KCNIP4: variants seen among roughly 807,000 people sequenced by gnomAD.
KCNIP4 encodes potassium voltage-gated channel interacting protein 4, also known as Kv channel-interacting protein 4.
KCNIP4 carries 12 observed loss-of-function variants against 34.0 expected under a neutral mutation model. That is an observed-to-expected ratio of 0.35 (90% CI 0.23 to 0.57). The LOEUF (loss-of-function observed/expected upper bound fraction) is 0.57, where lower values mean the gene tolerates loss of function less well. KCNIP4 is among the 20% of genes least tolerant of loss of function. KCNIP4 has a pLI of 0.83. For synonymous variants in KCNIP4, 124 were observed against 102.2 expected (o/e 1.21, Z -1.29); for missense variants, 238 against 311.7 (o/e 0.76, Z 1.78).
At chr4:21,757,215 GAAA>G (rs1717677258) in intron 1 of KCNIP4, among the ~76,000 whole-genome samples, 1 of 20,438 alleles carries the variant, frequency 4.9e-5, no homozygotes, top group African/African-American at 3.7e-4. Flanking sequence ...AAGAAAGAAA[GAAA>G]GAAAGAAAGA....
intron 1 of KCNIP4, among the ~76,000 whole-genome samples, chr4:21,758,082 GA>G (rs2109162248): frequency 1.3e-5 from 2 of 152,222 alleles, no homozygotes; most frequent in African/African-American, 4.8e-5. Context: ...GCAAAGAAAG[GA>G]ACACAGGAAA....
chr4:21,451,723 G>C (rs1728520116), intron 1 of KCNIP4, among the ~76,000 whole-genome samples: 1 of 152,038 alleles, frequency 6.6e-6, no homozygotes, highest in Non-Finnish European at 1.5e-5. Context: ...AGTGGTGTTG[G>C]TAACAGTTAT....
At chr4:21,677,610 T>C (rs1016631023) in intron 1 of KCNIP4, among the ~76,000 whole-genome samples, 5 of 152,216 alleles carry the variant, frequency 3.3e-5, no homozygotes, top group African/African-American at 9.6e-5. Flanking sequence ...TCCACTGGTA[T>C]GCATGCCAAT....
intron 1 of KCNIP4, among the ~76,000 whole-genome samples, chr4:21,812,466 A>G (rs1721718817): frequency 6.6e-6 from 1 of 152,148 alleles, no homozygotes; most frequent in Non-Finnish European, 1.5e-5. Context: ...AGACAAACTA[A>G]AAAAAGTAAA....
At chr4:21,657,553 T>C (rs1380781285) in intron 1 of KCNIP4, among the ~76,000 whole-genome samples, 2 of 152,218 alleles carry the variant, frequency 1.3e-5, no homozygotes, top group East Asian at 1.9e-4. Flanking sequence ...TGATATATTA[T>C]AGTAGTTAGG....
intron 3 of KCNIP4, among the ~76,000 whole-genome samples, chr4:20,772,546 C>G (rs1375418858): frequency 6.6e-6 from 1 of 152,156 alleles, no homozygotes; most frequent in African/African-American, 2.4e-5. Context: ...GTCTGGTCAT[C>G]TGCTTTGGTG....
At chr4:20,852,237 C>T (rs12508133) in intron 2 of KCNIP4, among the ~76,000 whole-genome samples, 34,443 of 151,966 alleles carry the variant, frequency 0.23, 4,601 homozygotes, top group East Asian at 0.4. Flanking sequence ...ACAAAATACT[C>T]ACTAGCTGAA....
intron 1 of KCNIP4, among the ~76,000 whole-genome samples, chr4:21,505,694 C>A (rs1277651372): frequency 6.6e-6 from 1 of 152,164 alleles, no homozygotes; most frequent in Non-Finnish European, 1.5e-5. Flanking sequence ...GCATCTTATT[C>A]ATCTTAGTAT....
intron 1 of KCNIP4, among the ~76,000 whole-genome samples, chr4:21,212,480 T>C (rs1297397890): frequency 6.6e-6 from 1 of 152,214 alleles, no homozygotes; most frequent in African/African-American, 2.4e-5. Flanking sequence ...CAAGAGGGCT[T>C]CGTCAGTCCC....
At chr4:21,607,619 A>C (rs967009799) in intron 1 of KCNIP4, among the ~76,000 whole-genome samples, 5 of 151,834 alleles carry the variant, frequency 3.3e-5, no homozygotes, top group African/African-American at 9.7e-5. Flanking sequence ...GACTCCGGGA[A>C]TCCTTGCATG....
chr4:21,221,849 C>T (rs1758003473), intron 1 of KCNIP4, among the ~76,000 whole-genome samples: 1 of 152,138 alleles, frequency 6.6e-6, no homozygotes, highest in Non-Finnish European at 1.5e-5. Flanking sequence ...TCTAGGCAGC[C>T]CCATGAATAA....
At chr4:21,325,733 G>T (rs752680598) in intron 1 of KCNIP4, among the ~76,000 whole-genome samples, 1 of 151,548 alleles carries the variant, frequency 6.6e-6, no homozygotes, top group Admixed American at 6.6e-5. Context: ...GGGCACTTAC[G>T]GCCATAAATT....
At chr4:20,795,658 T>C (rs980766096) in intron 3 of KCNIP4, among the ~76,000 whole-genome samples, 8 of 152,200 alleles carry the variant, frequency 5.3e-5, no homozygotes, top group African/African-American at 1.9e-4. Context: ...ATCTGCTAAT[T>C]GGTACATTGT....
chr4:20,854,573 C>G (rs1436535360), intron 2 of KCNIP4, among the ~76,000 whole-genome samples: 1 of 152,106 alleles, frequency 6.6e-6, no homozygotes, highest in Non-Finnish European at 1.5e-5. Flanking sequence ...CAAAATCTCA[C>G]AAATCACCAC....
At chr4:21,619,192 T>C (rs1405916937) in intron 1 of KCNIP4, among the ~76,000 whole-genome samples, 1 of 152,214 alleles carries the variant, frequency 6.6e-6, no homozygotes, top group Non-Finnish European at 1.5e-5. Flanking sequence ...CTATTTTCAC[T>C]GTACCATGCG....
chr4:21,883,960 C>A (rs574208956), intron 1 of KCNIP4, among the ~76,000 whole-genome samples: 1 of 152,116 alleles, frequency 6.6e-6, no homozygotes, highest in Non-Finnish European at 1.5e-5. Context: ...TAGAAATATT[C>A]GGGAGTAGGT....
intron 1 of KCNIP4, among the ~76,000 whole-genome samples, chr4:21,082,810 G>A (rs1158201798): frequency 2.0e-5 from 3 of 151,714 alleles, no homozygotes; most frequent in Non-Finnish European, 4.4e-5. Context: ...TAATACTTTT[G>A]AGGAAAATGA....
At chr4:21,032,762 A>G (rs566660673) in intron 1 of KCNIP4, among the ~76,000 whole-genome samples, 1 of 84,462 alleles carries the variant, frequency 1.2e-5, no homozygotes, top group South Asian at 5.6e-4. Flanking sequence ...ACTATCTTAG[A>G]GTTGGGGAAA....
intron 1 of KCNIP4, among the ~76,000 whole-genome samples, chr4:21,704,601 T>A (rs1015497642): frequency 6.6e-6 from 1 of 152,080 alleles, no homozygotes; most frequent in Non-Finnish European, 1.5e-5. Flanking sequence ...AGTAAGCACA[T>A]GAAAAGATAT....
Sources: allele counts gnomAD v4.1 joint callset (sites outside exome capture counted in the v4.1 genomes callset), GRCh38; gene constraint gnomAD v4.1.1; transcripts MANE v1.5; gene names NCBI Gene and HGNC (gene_info 2026-07-23, HGNC 2026-07-21).